The following SPECC1 variants were observed in gnomAD, a reference collection of about 807,000 sequenced individuals.
The protein encoded by SPECC1 is sperm antigen with calponin homology and coiled-coil domains 1, also known as cytospin-B.
SPECC1 carries 62 observed loss-of-function variants against 104.1 expected under a neutral mutation model. The ratio of observed to expected loss-of-function variants is 0.60; its 90% CI spans 0.49 to 0.74. The LOEUF is 0.74. SPECC1 is among the 30% of genes least tolerant of loss of function. The pLI is 0.00. For missense variants in SPECC1, 1,306 were observed against 1,310.5 expected, an observed-to-expected ratio of 1.00 and a Z score of 0.05; for synonymous variants, 513 against 501.6, an observed-to-expected ratio of 1.02 and a Z score of -0.30.
intron 3 of SPECC1, among the ~76,000 whole-genome samples, chr17:20,143,293 G>A (rs1448579045): frequency 6.6e-6 from 1 of 151,124 alleles, no homozygotes; most frequent in Non-Finnish European, 1.5e-5. Context: ...GGCTGAGGCA[G>A]GAGGATTGCT....
At chr17:20,250,122 A>G (rs903721381) in intron 9 of SPECC1, among the ~76,000 whole-genome samples, 15 of 152,234 alleles carry the variant, frequency 9.9e-5, no homozygotes, top group African/African-American at 3.6e-4. Context: ...GAATGATGGA[A>G]GCCCTGAAGA....
At chr17:20,091,663 T>G (rs2047406749) in intron 1 of SPECC1, among the ~76,000 whole-genome samples, 1 of 152,172 alleles carries the variant, frequency 6.6e-6, no homozygotes, top group Non-Finnish European at 1.5e-5. Context: ...TTTCAACATG[T>G]GGTTCACTTA....
intron 9 of SPECC1, among the ~76,000 whole-genome samples, chr17:20,248,665 G>A (rs966944328): frequency 1.3e-4 from 20 of 152,190 alleles, no homozygotes; most frequent in Admixed American, 3.9e-4. Context: ...TCTCTTGTGT[G>A]TCGGTGTGGA....
At chr17:20,161,125 C>T (rs906803618) in intron 3 of SPECC1, among the ~76,000 whole-genome samples, 6 of 152,292 alleles carry the variant, frequency 3.9e-5, no homozygotes, top group Middle Eastern at 6.8e-3. Flanking sequence ...GCAGGAGAAT[C>T]GCTTGAGCCC....
At chr17:20,158,947 ATTTTGT>A (rs1281921949) in intron 3 of SPECC1, among the ~76,000 whole-genome samples, 1 of 143,556 alleles carries the variant, frequency 7.0e-6, no homozygotes. Context: ...TAGAGATGGG[ATTTTGT>A]TTTTGTTTTT....
At chr17:20,247,932 A>G (rs190656734) in intron 9 of SPECC1, among the ~76,000 whole-genome samples, 277 of 152,334 alleles carry the variant, frequency 1.8e-3, no homozygotes, top group Middle Eastern at 3.4e-3. Context: ...CTTCCAGGAA[A>G]GGTTCCCAGA....
At chr17:20,111,727 G>T (rs2048502066) in intron 3 of SPECC1, 1 of 672,482 alleles carries the variant, frequency 1.5e-6, no homozygotes, top group Non-Finnish European at 2.8e-6. Context: ...GAATCCCAGT[G>T]GGTGGAGGGA....
intron 1 of SPECC1, among the ~76,000 whole-genome samples, 161 bp from the exon 2 acceptor site, chr17:20,096,470 C>G (rs1475135255): frequency 6.6e-6 from 1 of 152,180 alleles, no homozygotes; most frequent in Non-Finnish European, 1.5e-5. Context: ...AGTATAAAGC[C>G]TATAAACCCA....
chr17:20,047,679 G>A (rs781250521), intron 1 of SPECC1, among the ~76,000 whole-genome samples: 2 of 151,704 alleles, frequency 1.3e-5, no homozygotes, highest in Non-Finnish European at 2.9e-5. Flanking sequence ...CTCACTGCAA[G>A]CTCCGTCTCC....
At chr17:20,279,904 T>A (rs1422794716) in intron 12 of SPECC1, among the ~76,000 whole-genome samples, 1 of 152,162 alleles carries the variant, frequency 6.6e-6, no homozygotes, top group African/African-American at 2.4e-5. Context: ...TGACACACGC[T>A]GCAACACAGA....
chr17:20,216,120 A>G (rs2037474104), intron 4 of SPECC1, among the ~76,000 whole-genome samples: 1 of 152,200 alleles, frequency 6.6e-6, no homozygotes, highest in Non-Finnish European at 1.5e-5. Flanking sequence ...ACAATCCAGC[A>G]TGTATCAAGT....
At chr17:20,160,015 A>G (rs1300858516) in intron 3 of SPECC1, among the ~76,000 whole-genome samples, 2 of 152,210 alleles carry the variant, frequency 1.3e-5, no homozygotes, top group Non-Finnish European at 2.9e-5. Flanking sequence ...AGTCTTAGAA[A>G]GTGAGTTTAG....
intron 1 of SPECC1, among the ~76,000 whole-genome samples, chr17:20,096,290 C>T (rs891078541): frequency 1.3e-5 from 2 of 152,148 alleles, no homozygotes; most frequent in Non-Finnish European, 2.9e-5. Flanking sequence ...TATTGGTTGA[C>T]TCTGGCTGAC....
intron 7 of SPECC1, 34 bp from the exon 8 acceptor site, chr17:20,245,892 A>T: frequency 6.2e-7 from 1 of 1,609,866 alleles, no homozygotes; most frequent in East Asian, 2.2e-5. Flanking sequence ...GATGTCCTCC[A>T]TCTTTTCAAT....
intron 10 of SPECC1, among the ~76,000 whole-genome samples, chr17:20,255,352 A>G (rs2703787): frequency 0.71 from 107,871 of 152,118 alleles, 40,074 homozygotes; most frequent in East Asian, 0.99. Flanking sequence ...TTGGCTCACC[A>G]TCTCCGTGCT....
At chr17:20,144,698 G>A (rs2031261377) in intron 3 of SPECC1, among the ~76,000 whole-genome samples, 2 of 151,974 alleles carry the variant, frequency 1.3e-5, no homozygotes, top group South Asian at 2.1e-4. Context: ...TGGAGCTTCT[G>A]GGCTCAGGCA....
intron 12 of SPECC1, among the ~76,000 whole-genome samples, chr17:20,266,792 ATT>A (rs1008901907): frequency 6.6e-6 from 1 of 152,184 alleles, no homozygotes; most frequent in Non-Finnish European, 1.5e-5. Context: ...GAATGGTACA[ATT>A]TATACATAGT....
chr17:20,048,380 G>T (rs1049125489), intron 1 of SPECC1, among the ~76,000 whole-genome samples: 1 of 151,846 alleles, frequency 6.6e-6, no homozygotes, highest in Non-Finnish European at 1.5e-5. Context: ...TGATCTGTCC[G>T]CCTCGGCCTC....
At chr17:20,101,835 C>T (rs1410212680) in intron 2 of SPECC1, among the ~76,000 whole-genome samples, 1 of 152,178 alleles carries the variant, frequency 6.6e-6, no homozygotes, top group African/African-American at 2.4e-5. Flanking sequence ...AAGCGGTGTC[C>T]AACCATAACA....
Sources: gnomAD v4.1 joint callset for allele counts (sites outside exome capture counted in the v4.1 genomes callset) on GRCh38, gnomAD v4.1.1 for gene constraint, MANE v1.5 for transcripts, NCBI Gene and HGNC (gene_info 2026-07-23, HGNC 2026-07-21) for gene names.